RO60: variants seen among roughly 807,000 people sequenced by gnomAD.
RO60 encodes RNA-binding protein RO60.
RO60 carries 20 observed loss-of-function variants against 55.3 expected under a neutral mutation model. That is an observed-to-expected ratio of 0.36 (90% CI 0.25 to 0.53). The LOEUF (loss-of-function observed/expected upper bound fraction) is 0.53, where lower values mean the gene tolerates loss of function less well. Among genes scored for constraint, RO60 ranks in the 20% least tolerant of loss-of-function variants. The pLI, the probability that RO60 is intolerant of heterozygous loss-of-function variation, is 0.92. For synonymous variants in RO60, 213 were observed against 213.6 expected, an observed-to-expected ratio of 1.00 and a Z score of 0.02; for missense variants, 558 against 646.6, an observed-to-expected ratio of 0.86 and a Z score of 1.49.
intron 8 of RO60, among the ~76,000 whole-genome samples, chr1:193,084,224 C>A (rs1045823311): frequency 6.6e-6 from 1 of 152,186 alleles, no homozygotes; most frequent in African/African-American, 2.4e-5. Context: ...TATATATACT[C>A]ATACACACTG....
intron 1 of RO60, among the ~76,000 whole-genome samples, chr1:193,064,073 C>G (rs879743885): frequency 6.6e-6 from 1 of 152,162 alleles, no homozygotes; most frequent in Non-Finnish European, 1.5e-5. Context: ...GGGAAGGATG[C>G]AGAACTTCCA....
In RO60 at chr1:193,073,708, G is replaced by C. The variant is rs184676756; in HGVS notation, c.581-2112G>C. 1.4e-4 allele frequency among the ~76,000 whole-genome samples: 21 copies of C among 152,242 alleles called. No individual in the cohort carries two copies. The East Asian group carries it at 3.1e-3, about 22-fold the overall frequency. ...CCTGCCTCAGCCTCCTGAGTAGCTGGTATTACAGGCATGTGCCACCACGCC... is the reference window on the plus strand; with the variant it reads ...CCTGCCTCAGCCTCCTGAGTAGCTGCTATTACAGGCATGTGCCACCACGCC... On this transcript the variant is annotated intron_variant, in intron 2 of 8. Coordinates refer to ENST00000400968, the MANE Select transcript of RO60 (RefSeq NM_001173524.2).
Position 193,069,430 on chromosome 1 carries a change from T to G in RO60, c.376T>G (p.Phe126Val). 2.5e-6 allele frequency: 4 copies of G among 1,614,210 alleles called. No individual in the cohort carries two copies. Among genetic ancestry groups the G allele is most frequent in the Non-Finnish European group, 3.4e-6 (4 of 1,180,020 alleles). ...SEVCRIPTHL[F>V]TFIQFKKDLK... is the part of the protein sequence containing the mutation. ...AGTTTGTCGCATTCCTACCCATCTC[T>G]TTACTTTTATCCAGTTTAAGAAAGA... The change falls in exon 2 of 9, where the codon TTT becomes GTT. Residue 126 changes from phenylalanine (F) to valine (V), a missense_variant. Coordinates refer to ENST00000400968, the MANE Select transcript of RO60 (RefSeq NM_001173524.2).
At position 193,084,931 on chromosome 1, in the gene RO60, G is replaced by A; in HGVS notation, c.*200G>A. The A allele has an allele frequency of 6.6e-7, 1 of 1,513,266 alleles. No individual in the cohort carries two copies. The highest frequency in any genetic ancestry group is 1.3e-5 in the South Asian group (1 of 78,920). 93.7% of individuals were successfully genotyped at this position (1,513,266 alleles called of 1,614,324 possible). A position where few individuals can be genotyped will look rare whatever the true frequency, so the allele number is the denominator to read the frequency against. ...TCTATCTACTAAACTAGCTCTTGGG[G>A]AAATAGCTTCAGGATACTGTAGTTT... On this transcript the variant is annotated 3_prime_UTR_variant, in exon 9 of 9. Transcript: ENST00000400968.
rs903608118 is a variant in RO60 at position 193,088,363 on chromosome 1, A to C, written c.*3632A>C. On this transcript the variant is annotated 3_prime_UTR_variant, in exon 9 of 9. Transcript: ENST00000400968. ...GTAACCAGTAAATCTACAAATAGTA[A>C]AGTACTATTTTCATCAGGGATTTTT... is the stretch of plus-strand genomic sequence containing the variant. The C allele has an allele frequency of 7.3e-6, 1 of 137,018 alleles. No individual in the cohort carries two copies. Among genetic ancestry groups the C allele is most frequent in the East Asian group, 2.0e-4 (1 of 4,954 alleles). The allele number at this position is 137,018 out of a possible 1,614,324, so 8.5% of individuals were successfully genotyped here.
At chr1:193,065,200 A>G (rs1317332262) in intron 1 of RO60, among the ~76,000 whole-genome samples, 1 of 152,248 alleles carries the variant, frequency 6.6e-6, no homozygotes, top group African/African-American at 2.4e-5. Context: ...TTTGGCTTTA[A>G]GTATGTATTG....
rs772119125 is a variant in RO60 at position 193,076,982 on chromosome 1, A to C, written c.1018A>C (p.Lys340Gln). 1.9e-5 allele frequency: 30 copies of C among 1,613,176 alleles called. No homozygotes were observed. Among genetic ancestry groups the C allele is most frequent in the Non-Finnish European group, 2.5e-5 (30 of 1,179,502 alleles). ...CAAGACAGGTCATGGTCTCAGAGGG[A>C]AACTGAAGTGGCGCCCTGATGAAGA... is the stretch of plus-strand genomic sequence containing the variant. Reference protein sequence around the residue: ...TYKTGHGLRGKLKWRPDEEIL... With the variant: ...TYKTGHGLRGQLKWRPDEEIL... The change falls in exon 5 of 9, where the codon AAA becomes CAA. Residue 340 changes from lysine (K) to glutamine (Q), a missense_variant. By Grantham distance (53) the Lys-to-Gln change is moderately conservative. Transcript: ENST00000400968.
chr1:193,077,451 C>G (rs957229175), intron 5 of RO60, among the ~76,000 whole-genome samples: 1 of 152,152 alleles, frequency 6.6e-6, no homozygotes, highest in African/African-American at 2.4e-5. Flanking sequence ...AACTTACAAT[C>G]ATGGCAGAAG....
intron 8 of RO60, 73 bp downstream of exon 8, chr1:193,082,781 T>G (rs76883225): frequency 1.0e-3 from 1,148 of 1,117,710 alleles, no homozygotes; most frequent in Non-Finnish European, 1.3e-3. Context: ...TTTTTTTTTT[T>G]GGAGACAGGA....
intron 5 of RO60, 49 bp downstream of exon 5, chr1:193,077,099 C>G (rs1311901489): frequency 6.6e-7 from 1 of 1,510,310 alleles, no homozygotes; most frequent in African/African-American, 1.4e-5. Context: ...GACTTAATAT[C>G]TTTTGTAATA....
chr1:193,071,510 G>GT (rs931070240), intron 2 of RO60, among the ~76,000 whole-genome samples: 4 of 151,872 alleles, frequency 2.6e-5, no homozygotes, highest in Non-Finnish European at 5.9e-5. Context: ...GTTGTTTCTG[G>GT]TTTTTTTATA....
rs1255236666 is a variant in RO60, at chr1:193,090,935, C to T, written c.*6204C>T. On this transcript the variant is annotated 3_prime_UTR_variant, in exon 9 of 9. Transcript: ENST00000400968. ...TATTACATTTTAAAACCTGATTGTA[C>T]ATTGGTAATTTAAACATCCAATAAC... The T allele has an allele frequency of 6.6e-6, 1 of 152,068 alleles. No homozygotes were observed. The highest frequency in any genetic ancestry group is 1.5e-5 in the Non-Finnish European group (1 of 67,944). 9.4% of individuals were successfully genotyped at this position (152,068 alleles called of 1,614,324 possible). A position where few individuals can be genotyped will look rare whatever the true frequency, so the allele number is the denominator to read the frequency against.
At chr1:193,083,485 G>A (rs1220463758) in intron 8 of RO60, among the ~76,000 whole-genome samples, 1 of 152,140 alleles carries the variant, frequency 6.6e-6, no homozygotes, top group African/African-American at 2.4e-5. Context: ...TAATCACATG[G>A]GACTTTTGAG....
Position 193,076,975 on chromosome 1 carries a change from C to T in RO60, c.1011C>T (p.Leu337=), listed in dbSNP as rs974157755. Residue 337 remains leucine (L), a synonymous_variant, in exon 5 of 9, where the codon CTC becomes CTT. Transcript: ENST00000400968. The stretch of plus-strand genomic sequence containing the variant: ...AAACTTACAAGACAGGTCATGGTCT[C>T]AGAGGGAAACTGAAGTGGCGCCCTG... ...ALETYKTGHG[L]RGKLKWRPDE... The T allele has an allele frequency of 5.0e-6, 8 of 1,613,168 alleles. No homozygotes were observed. The highest frequency in any genetic ancestry group is 6.8e-6 in the Non-Finnish European group (8 of 1,179,454).
At chr1:193,073,563 A>T (rs913811480) in intron 2 of RO60, among the ~76,000 whole-genome samples, 1 of 151,644 alleles carries the variant, frequency 6.6e-6, no homozygotes, top group African/African-American at 2.4e-5. Context: ...CTATTACATC[A>T]CTGTGTTTGT....
chr1:193,071,160 T>C (rs915183815), intron 2 of RO60, among the ~76,000 whole-genome samples: 6 of 152,190 alleles, frequency 3.9e-5, no homozygotes, highest in Non-Finnish European at 8.8e-5. Flanking sequence ...CGTGCTCTTA[T>C]GAGACTAATG....
rs546034565 is a variant in RO60 at position 193,069,132 on chromosome 1, A to G, written c.78A>G (p.Gln26=). Residue 26 remains glutamine (Q), a synonymous_variant, in exon 2 of 9, where the codon CAA becomes CAG. Coordinates refer to ENST00000400968, the MANE Select transcript of RO60 (RefSeq NM_001173524.2). The part of the protein sequence containing the change: ...IANSQDGYVW[Q]VTDMNRLHRF... ...ATTCTCAGGATGGATATGTATGGCA[A>G]GTCACTGACATGAATCGACTACACC... is the stretch of plus-strand genomic sequence containing the variant. 2 of 1,614,250 alleles carry G rather than the reference A, an allele frequency of 1.2e-6. No individual in the cohort carries two copies. Among genetic ancestry groups the G allele is most frequent in the East Asian group, 2.2e-5 (1 of 44,888 alleles).
chr1:193,076,128 T>C (rs1673900139), intron 3 of RO60, 88 bp downstream of exon 3: 3 of 778,228 alleles, frequency 3.9e-6, no homozygotes, highest in Admixed American at 3.7e-5. Context: ...AGCTATATAT[T>C]TATACTTTTA....
chr1:193,081,729 T>A (rs56300484), intron 6 of RO60, among the ~76,000 whole-genome samples: 1,871 of 152,158 alleles, frequency 0.012, 20 homozygotes, highest in South Asian at 0.034. Context: ...ATTAATGGAT[T>A]TTTTAGGAAG....
Sources: allele counts gnomAD v4.1 joint callset (sites outside exome capture counted in the v4.1 genomes callset), GRCh38; gene constraint gnomAD v4.1.1; transcripts MANE v1.5; gene names NCBI Gene and HGNC (gene_info 2026-07-23, HGNC 2026-07-21).